Variants in CNTNAP3 observed in about 807,000 individuals in gnomAD.
CNTNAP3 encodes contactin-associated protein-like 3.
CNTNAP3 carries 36 observed loss-of-function variants against 92.1 expected under a neutral mutation model. The ratio of observed to expected loss-of-function variants is 0.39; its 90% confidence interval spans 0.30 to 0.52. CNTNAP3 has a LOEUF of 0.52. Among genes scored for constraint, CNTNAP3 ranks in the 20% least tolerant of loss-of-function variants. The pLI, the probability that CNTNAP3 is intolerant of heterozygous loss-of-function variation, is 0.76. For missense variants in CNTNAP3, 534 were observed against 1,069.6 expected (o/e 0.50, Z 6.98); for synonymous variants, 232 against 422.3 (o/e 0.55, Z 5.53).
In CNTNAP3 at chr9:39,071,623, T is replaced by G. The variant is rs1489365129; in HGVS notation, c.*2267A>C. Among the ~76,000 whole-genome samples the G allele has an allele frequency of 6.6e-6, 1 of 152,072 alleles. No homozygotes were observed. Among genetic ancestry groups the G allele is most frequent in the Non-Finnish European group, 1.5e-5 (1 of 67,960 alleles). ...TGCAACTAGCATCTATGTATCTAAA[T>G]AACGTTTAGTGACTTAATTCTCTGC... On this transcript the variant is annotated 3_prime_UTR_variant, in exon 24 of 24. Transcript: ENST00000297668.
At chr9:39,104,007 T>C in intron 15 of CNTNAP3, 93 bp from the exon 16 acceptor site, 16 of 1,503,732 alleles carry the variant, frequency 1.1e-5, no homozygotes, top group East Asian at 2.3e-5. Flanking sequence ...GACTGCTAAA[T>C]ACATTAATAG....
intron 21 of CNTNAP3, among the ~76,000 whole-genome samples, chr9:39,080,845 T>G (rs1825915959): frequency 1.4e-5 from 2 of 137,992 alleles, no homozygotes; most frequent in Admixed American, 1.4e-4. Context: ...TTGTGTATTT[T>G]TAGTAGAGAC....
At chr9:39,103,322 C>G (rs1826512850) in intron 16 of CNTNAP3, among the ~76,000 whole-genome samples, 1 of 152,200 alleles carries the variant, frequency 6.6e-6, no homozygotes, top group Admixed American at 6.5e-5. Context: ...CAGTTCACAC[C>G]TGTAATCCCA....
At chr9:39,144,122 G>A (rs1370761147) in intron 11 of CNTNAP3, 118 bp downstream of exon 11, 7 of 1,411,998 alleles carry the variant, frequency 5.0e-6, no homozygotes, top group Non-Finnish European at 5.6e-6. Flanking sequence ...ATTGAGTGCT[G>A]AAATATCTCT....
intron 14 of CNTNAP3, among the ~76,000 whole-genome samples, chr9:39,115,463 G>A: frequency 6.7e-6 from 1 of 149,180 alleles, no homozygotes. Context: ...AATTAAAATA[G>A]AAATTGTAAT....
intron 14 of CNTNAP3, among the ~76,000 whole-genome samples, chr9:39,111,846 A>G (rs1826755224): frequency 6.6e-6 from 1 of 152,084 alleles, no homozygotes; most frequent in Non-Finnish European, 1.5e-5. Flanking sequence ...ATACTATAAT[A>G]AAGTCTTGTT....
At chr9:39,136,585 CCT>C (rs1460789245) in intron 12 of CNTNAP3, among the ~76,000 whole-genome samples, 1 of 151,984 alleles carries the variant, frequency 6.6e-6, no homozygotes, top group Admixed American at 6.6e-5. Flanking sequence ...GTGCTTTCTT[CCT>C]CTGATTATTT....
chr9:39,117,240 C>T (rs1478360924), intron 14 of CNTNAP3, among the ~76,000 whole-genome samples: 3 of 152,020 alleles, frequency 2.0e-5, no homozygotes, highest in Non-Finnish European at 4.4e-5. Context: ...GATCCACCTG[C>T]CTTGGCCTCC....
chr9:39,137,275 G>T (rs914286585), intron 12 of CNTNAP3, among the ~76,000 whole-genome samples: 5 of 151,570 alleles, frequency 3.3e-5, no homozygotes, highest in Non-Finnish European at 5.9e-5. Flanking sequence ...CCAAAGCTGT[G>T]CCTGGTCTAC....
chr9:39,174,529 A>T, intron 7 of CNTNAP3: 1 of 649,238 alleles, frequency 1.5e-6, no homozygotes, highest in Non-Finnish European at 2.9e-6. Flanking sequence ...CCTGCAACCC[A>T]TGAGCCAACT....
At chr9:39,087,865 T>C (rs1826099234) in intron 19 of CNTNAP3, among the ~76,000 whole-genome samples, 1 of 152,180 alleles carries the variant, frequency 6.6e-6, no homozygotes, top group Non-Finnish European at 1.5e-5. Context: ...CTTGGTCTTC[T>C]TGTTCAACTG....
chr9:39,130,706 A>G (rs150155153), intron 13 of CNTNAP3, among the ~76,000 whole-genome samples: 16,308 of 151,752 alleles, frequency 0.11, 1,051 homozygotes, highest in African/African-American at 0.19. Flanking sequence ...GTGTTTCATC[A>G]TGTTAGCCAG....
Position 39,086,830 on chromosome 9 carries a change from G to A in CNTNAP3, c.3240C>T (p.Tyr1080=), listed in dbSNP as rs777300631. Residue 1080 remains tyrosine (Y), a synonymous_variant, in exon 20 of 24, where the codon TAC becomes TAT. Coordinates refer to ENST00000297668, the MANE Select transcript of CNTNAP3 (RefSeq NM_033655.5). The stretch of plus-strand genomic sequence containing the variant: ...CAGGATTTTGATGTCTATCTAGCTT[G>A]TACCTAATCTGCAAACTTCCTAAAA... ...LANNGSLQIR[Y]KLDRHQNPDA... is the part of the protein sequence containing the mutation. The A allele has an allele frequency of 1.9e-6, 3 of 1,604,824 alleles. No individual in the cohort carries two copies. The highest frequency in any genetic ancestry group is 2.3e-4 in the Middle Eastern group (1 of 4,422).
intron 18 of CNTNAP3, among the ~76,000 whole-genome samples, chr9:39,089,178 A>C (rs1012988487): frequency 3.4e-4 from 52 of 152,122 alleles, no homozygotes; most frequent in African/African-American, 1.3e-3. Context: ...CTCCTACAAA[A>C]ACCTCCATAA....
chr9:39,124,468 C>G (rs1276699721), intron 13 of CNTNAP3, among the ~76,000 whole-genome samples: 1 of 151,884 alleles, frequency 6.6e-6, no homozygotes, highest in Non-Finnish European at 1.5e-5. Context: ...TCTAAATATA[C>G]CAATTAAGAA....
rs1459908265 is a variant in CNTNAP3 at position 39,068,196 on chromosome 9, G to T, written c.*5694C>A. ...GGGCAGATCATGAGATCCAGAGATC[G>T]AGACCATCCTGGCTAACACGGTGAA... is the stretch of plus-strand genomic sequence containing the variant. On this transcript the variant is annotated 3_prime_UTR_variant, in exon 24 of 24. Coordinates refer to ENST00000297668, the MANE Select transcript of CNTNAP3 (RefSeq NM_033655.5). Among the ~76,000 whole-genome samples the T allele has an allele frequency of 6.6e-6, 1 of 151,584 alleles. No individual in the cohort carries two copies. The highest frequency in any genetic ancestry group is 2.4e-5 in the African/African-American group (1 of 41,240).
At chr9:39,075,479 C>G (rs550959906) in intron 23 of CNTNAP3, among the ~76,000 whole-genome samples, 67 of 152,042 alleles carry the variant, frequency 4.4e-4, no homozygotes, top group African/African-American at 1.4e-3. Flanking sequence ...ATATGTCACC[C>G]CCAAATATGC....
At chr9:39,114,041 C>CACAT (rs1820786887) in intron 14 of CNTNAP3, among the ~76,000 whole-genome samples, 1 of 148,088 alleles carries the variant, frequency 6.8e-6, no homozygotes, top group Admixed American at 6.7e-5. Flanking sequence ...TATATACACA[C>CACAT]ACACACACAC....
chr9:39,076,516 G>A (rs1298348792), intron 23 of CNTNAP3, among the ~76,000 whole-genome samples: 1 of 152,312 alleles, frequency 6.6e-6, no homozygotes, highest in Non-Finnish European at 1.5e-5. Flanking sequence ...AAGAGAAAAA[G>A]AATTGAGATA....
Sources: gnomAD v4.1 joint callset for allele counts (sites outside exome capture counted in the v4.1 genomes callset) on GRCh38, gnomAD v4.1.1 for gene constraint, MANE v1.5 for transcripts, NCBI Gene and HGNC (gene_info 2026-07-23, HGNC 2026-07-21) for gene names.